Variants in SCHIP1 observed in about 807,000 individuals in gnomAD.
The protein encoded by SCHIP1 is schwannomin interacting protein 1.
SCHIP1 carries 8 observed loss-of-function variants against 29.7 expected under a neutral mutation model. The observed-to-expected ratio is 0.27, with a 90% CI of 0.16 to 0.49. The LOEUF is 0.49. Among genes scored for constraint, SCHIP1 ranks in the 20% least tolerant of loss-of-function variants. SCHIP1 has a pLI of 0.99. For missense variants in SCHIP1, 193 were observed against 294.6 expected (o/e 0.66, Z 2.52); for synonymous variants, 76 against 94.9 (o/e 0.80, Z 1.16).
At chr3:159,478,772 T>G in the SCHIP1 span, among the ~76,000 whole-genome samples, 1 of 152,164 alleles carries the variant, frequency 6.6e-6, no homozygotes, top group Admixed American at 6.6e-5. Context: ...TTACAGGTCT[T>G]TCACCTCATT....
At chr3:159,876,176 C>T (rs1560092628) in intron 2 of SCHIP1, among the ~76,000 whole-genome samples, 2 of 152,238 alleles carry the variant, frequency 1.3e-5, no homozygotes, top group Admixed American at 1.3e-4. Context: ...TCACCAGAGA[C>T]AATCACTGTT....
At chr3:159,807,452 C>G in the SCHIP1 span, among the ~76,000 whole-genome samples, 1 of 152,210 alleles carries the variant, frequency 6.6e-6, no homozygotes, top group African/African-American at 2.4e-5. Context: ...CATAATCTCT[C>G]TGATTCTGTA....
the SCHIP1 span, chr3:159,274,159 T>C: frequency 8.1e-6 from 8 of 985,236 alleles, no homozygotes; most frequent in African/African-American, 1.7e-5. Context: ...ACTAATTGCA[T>C]TGCAGTGGAC....
the SCHIP1 span, among the ~76,000 whole-genome samples, chr3:159,812,895 C>CTTCA: frequency 6.6e-6 from 1 of 152,154 alleles, no homozygotes; most frequent in Non-Finnish European, 1.5e-5. Flanking sequence ...ATCTTCTCAG[C>CTTCA]TTCAGGTGAG....
chr3:159,730,349 A>T, the SCHIP1 span, among the ~76,000 whole-genome samples: 3 of 152,208 alleles, frequency 2.0e-5, no homozygotes, highest in Non-Finnish European at 4.4e-5. Flanking sequence ...CATAGGTTTG[A>T]CATGAGAATT....
chr3:159,482,128 G>A, the SCHIP1 span, among the ~76,000 whole-genome samples: 21 of 152,220 alleles, frequency 1.4e-4, no homozygotes, highest in South Asian at 2.7e-3. Flanking sequence ...TGCATATCAC[G>A]TATTTCATCT....
chr3:159,725,332 T>A, the SCHIP1 span, among the ~76,000 whole-genome samples: 294 of 151,588 alleles, frequency 1.9e-3, no homozygotes, highest in Non-Finnish European at 3.1e-3. Context: ...TGCAGTGGTG[T>A]GATCTCAGCT....
the SCHIP1 span, among the ~76,000 whole-genome samples, chr3:159,467,058 T>C: frequency 6.6e-6 from 1 of 152,108 alleles, no homozygotes; most frequent in African/African-American, 2.4e-5. Flanking sequence ...TGTTAATACT[T>C]TGCTGAAGGT....
At chr3:159,372,825 AC>A in the SCHIP1 span, among the ~76,000 whole-genome samples, 20 of 152,074 alleles carry the variant, frequency 1.3e-4, no homozygotes, top group African/African-American at 4.8e-4. Flanking sequence ...CACAACCACA[AC>A]CATTTGTGCA....
the SCHIP1 span, among the ~76,000 whole-genome samples, chr3:159,495,866 A>G: frequency 6.6e-6 from 1 of 152,238 alleles, no homozygotes; most frequent in East Asian, 1.9e-4. Flanking sequence ...CTACAAGGCT[A>G]CAGTAACCAA....
the SCHIP1 span, chr3:159,764,580 C>G: frequency 6.2e-7 from 1 of 1,607,188 alleles, no homozygotes; most frequent in Non-Finnish European, 8.5e-7. The surrounding 1 kb of genome is among the most constrained non-coding windows in gnomAD (Gnocchi z 6.1). Flanking sequence ...CGGGGGGCAG[C>G]CTGGACTTGG....
the SCHIP1 span, among the ~76,000 whole-genome samples, chr3:159,776,165 C>G: frequency 0.52 from 79,653 of 151,910 alleles, 21,236 homozygotes; most frequent in East Asian, 0.82. Context: ...GTTTCAGAAC[C>G]AATTCAGTCT....
chr3:159,516,271 C>T, the SCHIP1 span, among the ~76,000 whole-genome samples: 1 of 152,134 alleles, frequency 6.6e-6, no homozygotes, highest in Non-Finnish European at 1.5e-5. Flanking sequence ...ATCAAAAGTC[C>T]ATGTGTCTGG....
chr3:159,817,872 C>T, the SCHIP1 span, among the ~76,000 whole-genome samples: 1 of 152,180 alleles, frequency 6.6e-6, no homozygotes, highest in Admixed American at 6.5e-5. Context: ...CCAGACCCTC[C>T]CTAGGGCCCT....
At chr3:159,888,284 A>G in intron 4 of SCHIP1, 1 of 264,562 alleles carries the variant, frequency 3.8e-6, no homozygotes, top group Non-Finnish European at 7.3e-6. Context: ...CACATAGTGA[A>G]TAGGAGTCCT....
chr3:159,379,228 T>G, the SCHIP1 span, among the ~76,000 whole-genome samples: 69 of 114,578 alleles, frequency 6.0e-4, no homozygotes, highest in East Asian at 7.6e-4. Context: ...TTGGTTTTTG[T>G]TTTTTTTTTT....
chr3:159,754,162 T>C, the SCHIP1 span, among the ~76,000 whole-genome samples: 2 of 152,236 alleles, frequency 1.3e-5, no homozygotes, highest in African/African-American at 4.8e-5. Context: ...GTTGAATTAA[T>C]AACAGGTTAT....
At chr3:159,404,155 T>G in the SCHIP1 span, among the ~76,000 whole-genome samples, 1 of 152,096 alleles carries the variant, frequency 6.6e-6, no homozygotes, top group Admixed American at 6.6e-5. Context: ...CTGTGGGCCT[T>G]GGGTAAGATT....
chr3:159,288,926 TC>T, the SCHIP1 span, among the ~76,000 whole-genome samples: 3 of 152,124 alleles, frequency 2.0e-5, no homozygotes, highest in African/African-American at 7.2e-5. Flanking sequence ...ATAACTTTCT[TC>T]CCCTCAGTCT....
Sources: allele counts gnomAD v4.1 joint callset (sites outside exome capture counted in the v4.1 genomes callset), GRCh38; gene constraint gnomAD v4.1.1; non-coding constraint Gnocchi (gnomAD v3.1); transcripts MANE v1.5; gene names NCBI Gene and HGNC (gene_info 2026-07-23, HGNC 2026-07-21).